Variants in WDR7 observed in about 807,000 individuals in gnomAD.
WDR7 encodes WD repeat domain 7.
A neutral mutation model predicts 169.4 loss-of-function variants in WDR7; 46 were observed. The ratio of observed to expected loss-of-function variants is 0.27; its 90% CI spans 0.21 to 0.35. The LOEUF (loss-of-function observed/expected upper bound fraction) is 0.35, where lower values mean the gene tolerates loss of function less well. WDR7 is among the 10% of genes least tolerant of loss of function. The pLI is 1.00. For missense variants in WDR7, 1,534 were observed against 1,859.3 expected (o/e 0.83, Z 3.22); for synonymous variants, 612 against 666.8 (o/e 0.92, Z 1.27).
In WDR7 at chr18:56,670,175, C is replaced by G. The variant is rs2025103140; in HGVS notation, c.-19-2322C>G. ...ATGTGGTTGCCAATTCGCTGGTAGTCCTTTCTAGAAGTATTTGATTGTCAT... is the reference window on the plus strand; with the variant it reads ...ATGTGGTTGCCAATTCGCTGGTAGTGCTTTCTAGAAGTATTTGATTGTCAT... On this transcript the variant is annotated intron_variant, in intron 1 of 27. Coordinates refer to ENST00000254442, the MANE Select transcript of WDR7 (RefSeq NM_015285.3). Among the ~76,000 whole-genome samples, 3 of 152,190 alleles carry G rather than the reference C, an allele frequency of 2.0e-5. No homozygotes were observed. In the South Asian group the frequency reaches 6.2e-4, roughly 32 times the overall value.
chr18:56,794,304 A>ATTCTTTTTTTTTTTTTTTTT (rs2044543580), intron 19 of WDR7, among the ~76,000 whole-genome samples: 1 of 49,466 alleles, frequency 2.0e-5, no homozygotes, highest in Non-Finnish European at 3.8e-5. Context: ...GGTAAAGTCT[A>ATTCTTTTTTTTTTTTTTTTT]TTTTTTTTTT....
At chr18:56,757,999 G>C (rs887519005) in intron 15 of WDR7, among the ~76,000 whole-genome samples, 1 of 150,472 alleles carries the variant, frequency 6.6e-6, no homozygotes, top group Non-Finnish European at 1.5e-5. Context: ...TTCATTAAAT[G>C]CTTCTTCTCA....
rs567427133 is a variant in WDR7, at chr18:56,773,656, A to G, written c.2849-3126A>G. Among the ~76,000 whole-genome samples the G allele has an allele frequency of 1.2e-3, 185 of 152,264 alleles. 1 individual carries two copies. Among genetic ancestry groups the G allele is most frequent in the Non-Finnish European group, 2.4e-3 (160 of 67,970 alleles). ...AAAGTCAAGCATTAAAAAAGAGGCA[A>G]TGAAACCTGAACTAATGATTTATCC... On this transcript the variant is annotated intron_variant, in intron 16 of 27. Transcript: ENST00000254442.
intron 25 of WDR7, among the ~76,000 whole-genome samples, chr18:56,945,151 G>T (rs2047086400): frequency 6.6e-6 from 1 of 152,206 alleles, no homozygotes; most frequent in South Asian, 2.1e-4. Context: ...TAAAAATAGT[G>T]AGGAAATTGA....
intron 14 of WDR7, among the ~76,000 whole-genome samples, chr18:56,745,655 A>G (rs1450188910): frequency 2.6e-5 from 4 of 152,174 alleles, no homozygotes; most frequent in African/African-American, 9.7e-5. Context: ...GTTCCTAACA[A>G]GCCATGAACC....
chr18:56,684,630 G>A (rs1035874719), intron 5 of WDR7, among the ~76,000 whole-genome samples: 1 of 152,144 alleles, frequency 6.6e-6, no homozygotes, highest in Non-Finnish European at 1.5e-5. Context: ...AGCTGAGAGT[G>A]GTGCAGGCCT....
intron 20 of WDR7, among the ~76,000 whole-genome samples, chr18:56,840,450 AAAT>A (rs1378629263): frequency 6.6e-6 from 1 of 152,200 alleles, no homozygotes; most frequent in East Asian, 1.9e-4. Context: ...AAAAGTTTTA[AAAT>A]AATATCAAAC....
chr18:56,745,649 C>G (rs1225634215), intron 14 of WDR7, among the ~76,000 whole-genome samples: 2 of 152,154 alleles, frequency 1.3e-5, no homozygotes, highest in Non-Finnish European at 2.9e-5. Flanking sequence ...GACCCCGTTC[C>G]TAACAAGCCA....
At chr18:56,947,205 G>T (rs1281225202) in intron 25 of WDR7, among the ~76,000 whole-genome samples, 1 of 152,108 alleles carries the variant, frequency 6.6e-6, no homozygotes, top group Non-Finnish European at 1.5e-5. Context: ...AAACGTATTA[G>T]CCACAAGACT....
chr18:56,963,409 T>G (rs1469382176), intron 26 of WDR7, among the ~76,000 whole-genome samples: 1 of 152,188 alleles, frequency 6.6e-6, no homozygotes, highest in Non-Finnish European at 1.5e-5. Context: ...GCTAAAATGT[T>G]AAACTGTCTG....
At chr18:56,932,872 T>TGG (rs935946804) in intron 22 of WDR7, among the ~76,000 whole-genome samples, 2 of 104,368 alleles carry the variant, frequency 1.9e-5, no homozygotes, top group African/African-American at 5.2e-5. Context: ...CTCTTCATTC[T>TGG]GGGTGTGTGT....
At chr18:56,709,496 A>G (rs1485049141) in intron 12 of WDR7, among the ~76,000 whole-genome samples, 6 of 152,310 alleles carry the variant, frequency 3.9e-5, no homozygotes, top group Middle Eastern at 3.4e-3. Context: ...CACTGCATGA[A>G]TTTATATTTC....
intron 19 of WDR7, among the ~76,000 whole-genome samples, chr18:56,814,410 T>C (rs1355509631): frequency 6.6e-6 from 1 of 152,216 alleles, no homozygotes; most frequent in Admixed American, 6.5e-5. Flanking sequence ...TGATTTTTGA[T>C]TTTGTATTTG....
chr18:56,974,864 CT>C (rs1321291878), intron 26 of WDR7, among the ~76,000 whole-genome samples: 1 of 152,158 alleles, frequency 6.6e-6, no homozygotes, highest in Non-Finnish European at 1.5e-5. Context: ...CTTTTCAGTG[CT>C]CCAGTAGAAT....
At chr18:56,945,154 G>C (rs2047086448) in intron 25 of WDR7, among the ~76,000 whole-genome samples, 1 of 152,198 alleles carries the variant, frequency 6.6e-6, no homozygotes. Context: ...AAATAGTGAG[G>C]AAATTGAGGC....
chr18:56,723,397 G>C (rs933968821), intron 13 of WDR7, among the ~76,000 whole-genome samples: 4 of 149,706 alleles, frequency 2.7e-5, no homozygotes, highest in African/African-American at 9.8e-5. Context: ...TTTAGTGTAG[G>C]TCTGCAGGTG....
chr18:56,693,561 GTTTTTTT>G (rs1257964211), intron 9 of WDR7, among the ~76,000 whole-genome samples: 1 of 98,756 alleles, frequency 1.0e-5, no homozygotes, highest in East Asian at 3.5e-4. Flanking sequence ...AATTTTGTTG[GTTTTTTT>G]TTTTGTTTTT....
intron 22 of WDR7, among the ~76,000 whole-genome samples, chr18:56,927,699 A>G (rs1452380869): frequency 6.6e-6 from 1 of 152,206 alleles, no homozygotes; most frequent in Non-Finnish European, 1.5e-5. Context: ...AAATCAAAAT[A>G]TCTACAGTTG....
intron 21 of WDR7, among the ~76,000 whole-genome samples, chr18:56,913,910 C>T (rs895743321): frequency 6.6e-6 from 1 of 152,198 alleles, no homozygotes; most frequent in African/African-American, 2.4e-5. Context: ...AGTAGGCCTC[C>T]CTAATTTTAC....
Sources: gnomAD v4.1 joint callset for allele counts (sites outside exome capture counted in the v4.1 genomes callset) on GRCh38, gnomAD v4.1.1 for gene constraint, MANE v1.5 for transcripts, NCBI Gene and HGNC (gene_info 2026-07-23, HGNC 2026-07-21) for gene names.